Variants in TIMM17A observed in about 807,000 individuals in gnomAD.
TIMM17A encodes translocase of inner mitochondrial membrane 17A.
Under a neutral mutation model 26.5 loss-of-function variants are expected in TIMM17A, and 15 were observed. The observed-to-expected ratio is 0.57, with a 90% CI of 0.38 to 0.87. TIMM17A has a LOEUF of 0.87. TIMM17A is among the 40% of genes least tolerant of loss of function. The pLI is 0.00. For synonymous variants in TIMM17A, 80 were observed against 70.8 expected (o/e 1.13, Z -0.66); for missense variants, 201 against 210.0 (o/e 0.96, Z 0.27).
At position 201,970,548 on chromosome 1, in the gene TIMM17A, G is replaced by A. The variant is rs1682718124; in HGVS notation, c.*994G>A. The A allele has an allele frequency of 6.6e-6, 1 of 152,184 alleles. No homozygotes were observed. The highest frequency in any genetic ancestry group is 1.5e-5 in the Non-Finnish European group (1 of 68,028). 9.4% of individuals were successfully genotyped at this position (152,184 alleles called of 1,614,324 possible). On this transcript the variant is annotated 3_prime_UTR_variant, in exon 6 of 6. Transcript: ENST00000367287. ...AGCCATGTGGGTACTGTAAACACAC[G>A]TTTATCTTTTGGCCCAATGCCATAC...
intron 5 of TIMM17A, among the ~76,000 whole-genome samples, chr1:201,967,411 A>G (rs1391479446): frequency 1.3e-5 from 2 of 152,136 alleles, no homozygotes; most frequent in African/African-American, 4.8e-5. Flanking sequence ...TTCCATATTC[A>G]CAGAAATTCA....
chr1:201,961,629 A>G (rs970059434), intron 3 of TIMM17A, among the ~76,000 whole-genome samples: 1 of 152,140 alleles, frequency 6.6e-6, no homozygotes, highest in Non-Finnish European at 1.5e-5. Flanking sequence ...AGGCAGGAGA[A>G]TGGCTTGAGC....
chr1:201,956,782 C>A (rs1198020952), intron 1 of TIMM17A, among the ~76,000 whole-genome samples: 1 of 151,822 alleles, frequency 6.6e-6, no homozygotes, highest in African/African-American at 2.4e-5. Context: ...ATGGTGAAAC[C>A]CCGTCTCTAC....
Position 201,969,830 on chromosome 1 carries a change from ACC to A in TIMM17A, c.*277_*278del. ...ACAGTAAGTGCTTGAAAGATGAAGG[ACC>A]AAAAGGCCAAAAAACAGTGAAATAT... On this transcript the variant is annotated 3_prime_UTR_variant, in exon 6 of 6. Transcript: ENST00000367287. 1 of 244,390 alleles carries A rather than the reference ACC, an allele frequency of 4.1e-6. No homozygotes were observed. Among genetic ancestry groups the A allele is most frequent in the Middle Eastern group, 1.3e-3 (1 of 788 alleles). The allele number at this position is 244,390 out of a possible 1,614,324, so 15.1% of individuals were successfully genotyped here.
At position 201,960,642 on chromosome 1, in the gene TIMM17A, T is replaced by C. The variant is rs147704548; in HGVS notation, c.191-2974T>C. Among the ~76,000 whole-genome samples the C allele has an allele frequency of 1.9e-3, 290 of 152,298 alleles. 2 individuals are homozygous for C. The highest frequency in any genetic ancestry group is 6.6e-3 in the African/African-American group (276 of 41,552). On this transcript the variant is annotated intron_variant, in intron 3 of 5. Coordinates refer to ENST00000367287, the MANE Select transcript of TIMM17A (RefSeq NM_006335.3). ...TTTATGGTATTTTAAATTCTAAAAA[T>C]ACTAGGATGATGATTTTATTAATTT...
intron 3 of TIMM17A, among the ~76,000 whole-genome samples, chr1:201,961,143 T>C (rs1682520448): frequency 6.6e-6 from 1 of 151,126 alleles, no homozygotes. Flanking sequence ...TCGGCTCACG[T>C]CAACTTCCAT....
At chr1:201,963,567 A>G in intron 3 of TIMM17A, 49 bp from the exon 4 acceptor site, 1 of 1,569,508 alleles carries the variant, frequency 6.4e-7, no homozygotes, top group South Asian at 1.2e-5. Flanking sequence ...TTTAAATGGA[A>G]GATGAAATTT....
intron 3 of TIMM17A, among the ~76,000 whole-genome samples, chr1:201,961,162 T>G (rs1165409483): frequency 6.6e-6 from 1 of 151,034 alleles, no homozygotes; most frequent in Non-Finnish European, 1.5e-5. Context: ...ATCTGTCCGG[T>G]TCAAGCGATT....
At chr1:201,957,675 G>C in intron 3 of TIMM17A, 101 bp downstream of exon 3, 1 of 1,009,820 alleles carries the variant, frequency 9.9e-7, no homozygotes, top group Non-Finnish European at 1.5e-6. Context: ...TTTTAGTTTG[G>C]TCTAACGGTT....
chr1:201,955,611 C>G lies in TIMM17A; in HGVS notation c.26+59C>G, dbSNP rs1430333079. Reference sequence around the variant, plus strand: ...CCCCCCTGCCCACTGCCCTCCTTCTCCCTTGTCCAGGCTCCCAAGGTGCAA... The same window carrying G: ...CCCCCCTGCCCACTGCCCTCCTTCTGCCTTGTCCAGGCTCCCAAGGTGCAA... On this transcript the variant is annotated intron_variant, in intron 1 of 5. Transcript: ENST00000367287. 7 of 1,611,776 alleles carry G rather than the reference C, an allele frequency of 4.3e-6. No individual in the cohort carries two copies. In the East Asian group the frequency reaches 1.3e-4, roughly 31 times the overall value.
intron 5 of TIMM17A, among the ~76,000 whole-genome samples, chr1:201,967,556 A>ATT (rs1682657789): frequency 1.5e-4 from 3 of 20,494 alleles, no homozygotes; most frequent in African/African-American, 4.4e-4. Context: ...ATTTATTTTA[A>ATT]TTTTTTTTGA....
intron 5 of TIMM17A, among the ~76,000 whole-genome samples, chr1:201,966,249 T>A (rs1682623689): frequency 6.6e-6 from 1 of 152,108 alleles, no homozygotes; most frequent in South Asian, 2.1e-4. Flanking sequence ...ACACCTATAG[T>A]CCTAGCTACT....
At chr1:201,958,860 T>A (rs1406525925) in intron 3 of TIMM17A, among the ~76,000 whole-genome samples, 2 of 152,212 alleles carry the variant, frequency 1.3e-5, no homozygotes, top group Non-Finnish European at 2.9e-5. Flanking sequence ...TTAGTACTAT[T>A]ATTATCTCCC....
chr1:201,964,148 G>A (rs569281440), intron 4 of TIMM17A, among the ~76,000 whole-genome samples: 40 of 151,958 alleles, frequency 2.6e-4, no homozygotes, highest in African/African-American at 9.2e-4. Flanking sequence ...TACAGTATAT[G>A]GTGATTTGAA....
rs189286864 is a variant in TIMM17A at position 201,968,456 on chromosome 1, G to C, written c.431-1013G>C. Among the ~76,000 whole-genome samples the C allele has an allele frequency of 6.9e-3, 1,036 of 150,596 alleles. 14 individuals are homozygous for C. The highest frequency in any genetic ancestry group is 0.014 in the Middle Eastern group (4 of 294). ...CTCGCAGGCTGGAGTGCAATGGCGCGATCTCTTCTCACTGCAACCTCCACC... is the reference window on the plus strand; with the variant it reads ...CTCGCAGGCTGGAGTGCAATGGCGCCATCTCTTCTCACTGCAACCTCCACC... On this transcript the variant is annotated intron_variant, in intron 5 of 5. Transcript: ENST00000367287.
intron 4 of TIMM17A, 127 bp from the exon 5 acceptor site, chr1:201,965,306 T>TAGGCAATATCTC: frequency 3.0e-6 from 2 of 673,490 alleles, no homozygotes; most frequent in Admixed American, 5.0e-5. Flanking sequence ...CTCTGGGTCT[T>TAGGCAATATCTC]AGGCAATAAG....
intron 5 of TIMM17A, among the ~76,000 whole-genome samples, chr1:201,969,232 G>A (rs1682689556): frequency 6.6e-6 from 1 of 152,116 alleles, no homozygotes; most frequent in Non-Finnish European, 1.5e-5. Context: ...CTAGCATAGT[G>A]TTTGAAAACT....
At chr1:201,963,842 T>G (rs189723123) in intron 4 of TIMM17A, 98 bp downstream of exon 4, 1 of 1,312,384 alleles carries the variant, frequency 7.6e-7, no homozygotes, top group Non-Finnish European at 1.0e-6. Context: ...AAACTGATTA[T>G]TGACCAGGCA....
rs780440913 is a variant in TIMM17A at position 201,969,585 on chromosome 1, C to T, written c.*31C>T. ...CTTTCCTAGGATTTCTTTAACAGAA[C>T]GAGTTGTGGTTCGAGAAGGATTTCA... On this transcript the variant is annotated 3_prime_UTR_variant, in exon 6 of 6. Coordinates refer to ENST00000367287, the MANE Select transcript of TIMM17A (RefSeq NM_006335.3). 2.3e-5 allele frequency: 36 copies of T among 1,562,136 alleles called. No homozygotes were observed. Among genetic ancestry groups the T allele is most frequent in the South Asian group, 7.9e-5 (7 of 89,038 alleles).
Sources: allele counts gnomAD v4.1 joint callset (sites outside exome capture counted in the v4.1 genomes callset), GRCh38; gene constraint gnomAD v4.1.1; transcripts MANE v1.5; gene names NCBI Gene and HGNC (gene_info 2026-07-23, HGNC 2026-07-21).